Variants in NUBPL observed in about 807,000 individuals in gnomAD.
NUBPL encodes the protein iron-sulfur cluster transfer protein NUBPL.
Under a neutral mutation model 45.7 loss-of-function variants are expected in NUBPL, and 31 were observed. That is an observed-to-expected ratio of 0.68 (90% CI 0.51 to 0.92). The LOEUF (loss-of-function observed/expected upper bound fraction) is 0.92. NUBPL is among the 40% of genes least tolerant of loss of function. NUBPL has a pLI of 0.00. For missense variants in NUBPL, 401 were observed against 398.7 expected (o/e 1.01, Z -0.05); for synonymous variants, 144 against 140.9 (o/e 1.02, Z -0.15).
intron 6 of NUBPL, among the ~76,000 whole-genome samples, chr14:31,706,577 A>G (rs944969168): frequency 2.0e-5 from 3 of 152,186 alleles, no homozygotes; most frequent in Admixed American, 2.0e-4. Context: ...GCCGGGTGGC[A>G]TCTTCTACTA....
At chr14:31,601,238 C>T (rs1019371708) in intron 4 of NUBPL, among the ~76,000 whole-genome samples, 1 of 152,178 alleles carries the variant, frequency 6.6e-6, no homozygotes. Flanking sequence ...GTGATGCAGG[C>T]TCTTTTTTGG....
chr14:31,672,622 C>G (rs1002152130), intron 4 of NUBPL, among the ~76,000 whole-genome samples: 2 of 152,000 alleles, frequency 1.3e-5, no homozygotes, highest in South Asian at 4.1e-4. Context: ...ACCACCATGC[C>G]CAGCTAATTT....
chr14:31,703,752 C>T (rs566666961), intron 6 of NUBPL, among the ~76,000 whole-genome samples: 13 of 152,276 alleles, frequency 8.5e-5, no homozygotes, highest in Admixed American at 2.6e-4. Flanking sequence ...GAGATTTGGG[C>T]GGGGACACAG....
chr14:31,798,123 G>A (rs957700565), intron 7 of NUBPL, among the ~76,000 whole-genome samples: 1 of 151,954 alleles, frequency 6.6e-6, no homozygotes, highest in East Asian at 1.9e-4. Context: ...CTGATGTTGT[G>A]CCCCCTTATC....
chr14:31,826,810 G>T, intron 8 of NUBPL, 96 bp downstream of exon 8: 1 of 1,195,892 alleles, frequency 8.4e-7, no homozygotes, highest in Non-Finnish European at 1.2e-6. Context: ...ATTTAGTCCT[G>T]TACAGAAGTC....
At position 31,743,845 on chromosome 14, in the gene NUBPL, G is replaced by A. The variant is rs148355652; in HGVS notation, c.514-43935G>A. On this transcript the variant is annotated intron_variant, in intron 6 of 10. Coordinates refer to ENST00000281081, the MANE Select transcript of NUBPL (RefSeq NM_025152.3). Reference sequence around the variant, plus strand: ...TGAGTGCCCATGTAGAAATAAGGACGAAGTATTCTGGAAAATAGAAAATGT... The same window carrying A: ...TGAGTGCCCATGTAGAAATAAGGACAAAGTATTCTGGAAAATAGAAAATGT... 2.7e-3 allele frequency among the ~76,000 whole-genome samples: 411 copies of A among 152,270 alleles called. 1 individual carries two copies. Among genetic ancestry groups the A allele is most frequent in the Admixed American group, 7.0e-3 (107 of 15,288 alleles).
intron 6 of NUBPL, among the ~76,000 whole-genome samples, chr14:31,754,329 A>T (rs757137571): frequency 6.6e-6 from 1 of 152,210 alleles, no homozygotes; most frequent in Non-Finnish European, 1.5e-5. Flanking sequence ...AGCATAAATT[A>T]TGGAGTAGTC....
In NUBPL at chr14:31,849,292, T is replaced by C. The variant is rs1275038166; in HGVS notation, c.815-827T>C. 3.9e-5 allele frequency among the ~76,000 whole-genome samples: 6 copies of C among 152,202 alleles called. No individual in the cohort carries two copies. In the South Asian group the frequency reaches 1.2e-3, roughly 31 times the overall value. ...TAACTTTTGCATGGATTTGGAGTGG[T>C]TCTGAGAACGCTAAGTACCATGGCA... On this transcript the variant is annotated intron_variant, in intron 9 of 10. Transcript: ENST00000281081.
intron 3 of NUBPL, among the ~76,000 whole-genome samples, chr14:31,576,700 T>C (rs2033727026): frequency 6.6e-6 from 1 of 152,252 alleles, no homozygotes; most frequent in African/African-American, 2.4e-5. Context: ...TTCTAAATCG[T>C]TCCCACTTTT....
intron 6 of NUBPL, chr14:31,771,986 A>C: frequency 1.8e-6 from 1 of 565,854 alleles, no homozygotes; most frequent in Non-Finnish European, 2.2e-6. Context: ...TACCTTAACC[A>C]CTGAACAGTG....
chr14:31,674,918 C>T lies in NUBPL; in HGVS notation c.513+1344C>T, dbSNP rs569488706. On this transcript the variant is annotated intron_variant, in intron 6 of 10. Coordinates refer to ENST00000281081, the MANE Select transcript of NUBPL (RefSeq NM_025152.3). ...TTGGGAGGCCGAGATGGGCGGATCA[C>T]GAGGTCAGGAGATCGAGACCATCCT... 3.9e-5 allele frequency among the ~76,000 whole-genome samples: 6 copies of T among 152,108 alleles called. No homozygotes were observed. The South Asian group carries it at 6.2e-4, about 16-fold the overall frequency.
intron 7 of NUBPL, among the ~76,000 whole-genome samples, chr14:31,814,234 C>T (rs2039871418): frequency 6.6e-6 from 1 of 152,094 alleles, no homozygotes; most frequent in South Asian, 2.1e-4. Flanking sequence ...TTCTAACTGG[C>T]ATAAGATGGT....
At position 31,672,324 on chromosome 14, in the gene NUBPL, T is replaced by C. The variant is rs546355296; in HGVS notation, c.383-1031T>C. Among the ~76,000 whole-genome samples, 4 of 151,798 alleles carry C rather than the reference T, an allele frequency of 2.6e-5. No homozygotes were observed. In the South Asian group the frequency reaches 8.4e-4, roughly 32 times the overall value. On this transcript the variant is annotated intron_variant, in intron 4 of 10. Coordinates refer to ENST00000281081, the MANE Select transcript of NUBPL (RefSeq NM_025152.3). ...GTGTGTGTGCATGCAAATATACACA[T>C]ACATGTATGCACATATTAGATTAGC...
chr14:31,632,356 C>A (rs1003008606), intron 4 of NUBPL, among the ~76,000 whole-genome samples: 2 of 152,130 alleles, frequency 1.3e-5, no homozygotes, highest in African/African-American at 4.8e-5. Context: ...CTGGGGCTAC[C>A]CTACAGAGAG....
At chr14:31,805,165 TCAA>T (rs1230233933) in intron 7 of NUBPL, among the ~76,000 whole-genome samples, 1 of 151,928 alleles carries the variant, frequency 6.6e-6, no homozygotes, top group African/African-American at 2.4e-5. Flanking sequence ...GAATAAAAGC[TCAA>T]CATCACTGAT....
chr14:31,782,979 C>T (rs1395648914), intron 6 of NUBPL, among the ~76,000 whole-genome samples: 1 of 152,102 alleles, frequency 6.6e-6, no homozygotes, highest in East Asian at 1.9e-4. Context: ...TAATTTTGGT[C>T]CTTTCATGGC....
At chr14:31,804,836 G>A (rs1046002447) in intron 7 of NUBPL, among the ~76,000 whole-genome samples, 7 of 152,182 alleles carry the variant, frequency 4.6e-5, no homozygotes, top group Middle Eastern at 3.4e-3. Context: ...CAAAACCCTG[G>A]AAGACAACCT....
chr14:31,659,110 A>G (rs116912380), intron 4 of NUBPL, among the ~76,000 whole-genome samples: 2,914 of 152,302 alleles, frequency 0.019, 43 homozygotes, highest in Non-Finnish European at 0.03. Context: ...CCCAACTGTA[A>G]AATGGAGATA....
At chr14:31,754,591 C>CTTTTTTTTTTT (rs59085679) in intron 6 of NUBPL, among the ~76,000 whole-genome samples, 3 of 103,692 alleles carry the variant, frequency 2.9e-5, no homozygotes, top group East Asian at 2.8e-4. Context: ...AGAGGGTTTT[C>CTTTTTTTTTTT]TTTTTTTTTT....
Sources: allele counts gnomAD v4.1 joint callset (sites outside exome capture counted in the v4.1 genomes callset), GRCh38; gene constraint gnomAD v4.1.1; transcripts MANE v1.5; gene names NCBI Gene and HGNC (gene_info 2026-07-23, HGNC 2026-07-21).